TRPV1: variants seen among roughly 807,000 people sequenced by gnomAD.
The protein encoded by TRPV1 is OTRPC1.
In TRPV1, 82 loss-of-function variants were observed where a neutral mutation model predicts 82.3. The observed-to-expected ratio is 1.00, with a 90% CI of 0.83 to 1.20. TRPV1 has a LOEUF of 1.20. Among genes scored for constraint, TRPV1 ranks in the 50% most tolerant of loss-of-function variants. The pLI is 0.00. For synonymous variants in TRPV1, 515 were observed against 467.7 expected (o/e 1.10, Z -1.30); for missense variants, 1,067 against 1,096.8 (o/e 0.97, Z 0.38).
rs1406864487 is a variant in TRPV1 at position 3,573,908 on chromosome 17, C to G, written c.1828G>C (p.Glu610Gln). 6.2e-7 allele frequency: 1 copy of G among 1,609,482 alleles called. No individual in the cohort carries two copies. Among genetic ancestry groups the G allele is most frequent in the South Asian group, 1.1e-5 (1 of 90,490 alleles). Residue 610 changes from glutamate (E) to glutamine (Q), a missense_variant, in exon 14 of 17, where the codon GAG (glutamate) becomes CAG (glutamine). By Grantham distance (29) the Glu-to-Gln change is conservative. Coordinates refer to ENST00000572705, the MANE Select transcript of TRPV1 (RefSeq NM_080704.4). ...EDGKNDSLPS[E>Q]STSHRWRGPA... The stretch of plus-strand genomic sequence containing the variant: ...CCCCGCCACCTGTGCGACGTGGACT[C>G]AGACGGCAGGGAGTCATTCTTCCCG...
intron 7 of TRPV1, 120 bp from the exon 8 acceptor site, chr17:3,588,487 TC>T: frequency 8.7e-7 from 1 of 1,155,860 alleles, no homozygotes; most frequent in Non-Finnish European, 1.2e-6. Context: ...CCCAGGCGAG[TC>T]CCCACCCACT....
intron 14 of TRPV1, 92 bp downstream of exon 14, chr17:3,573,541 A>ACCCC: frequency 7.3e-6 from 1 of 137,140 alleles, no homozygotes; most frequent in African/African-American, 9.2e-5. Context: ...CGCCCCCACC[A>ACCCC]CCCACCCACC....
chr17:3,574,599 T>C (rs983912431), intron 13 of TRPV1, among the ~76,000 whole-genome samples: 5 of 152,168 alleles, frequency 3.3e-5, no homozygotes, highest in Non-Finnish European at 5.9e-5. Context: ...GTGCACCATG[T>C]GAACCACGTA....
chr17:3,577,676 C>T lies in TRPV1; in HGVS notation c.1635G>A (p.Leu545=). The T allele has an allele frequency of 6.3e-7, 1 of 1,588,674 alleles. No homozygotes were observed. Among genetic ancestry groups the T allele is most frequent in the Non-Finnish European group, 8.6e-7 (1 of 1,167,944 alleles). Residue 545 remains leucine (L), a synonymous_variant, in exon 12 of 17, where the codon CTG becomes CTA. Coordinates refer to ENST00000572705, the MANE Select transcript of TRPV1 (RefSeq NM_080704.4). Reference sequence around the variant, plus strand: ...AGAGCATGTTGGTCCAGCCCAAGGCCAGGGAGAATACCATGGAAGCCACAT... The same window carrying T: ...AGAGCATGTTGGTCCAGCCCAAGGCTAGGGAGAATACCATGGAAGCCACAT... ...KEYVASMVFS[L]ALGWTNMLYY... is the part of the protein sequence containing the mutation.
At chr17:3,567,775 CAAA>C (rs1295174983) in intron 16 of TRPV1, among the ~76,000 whole-genome samples, 2 of 104,588 alleles carry the variant, frequency 1.9e-5, no homozygotes, top group Non-Finnish European at 2.0e-5. Flanking sequence ...GATTCTGTCT[CAAA>C]AAAAAAAAAA....
At chr17:3,582,575 G>A (rs2075034611) in intron 10 of TRPV1, among the ~76,000 whole-genome samples, 1 of 149,904 alleles carries the variant, frequency 6.7e-6, no homozygotes, top group Admixed American at 6.8e-5. Flanking sequence ...CTGAAACAGT[G>A]AGTCCCACAT....
chr17:3,593,756 T>G (rs971484832), intron 2 of TRPV1, among the ~76,000 whole-genome samples: 5 of 152,162 alleles, frequency 3.3e-5, no homozygotes, highest in Non-Finnish European at 2.9e-5. Context: ...AATTGCTATC[T>G]GTCACTGATT....
At chr17:3,571,167 C>T (rs2074847208) in intron 16 of TRPV1, among the ~76,000 whole-genome samples, 1 of 152,212 alleles carries the variant, frequency 6.6e-6, no homozygotes. Flanking sequence ...CGCATGCACA[C>T]GTGCAGAGTG....
intron 11 of TRPV1, chr17:3,578,351 T>C (rs1567662330): frequency 7.0e-6 from 1 of 142,664 alleles, no homozygotes; most frequent in African/African-American, 2.5e-5. Flanking sequence ...AATAAATAAA[T>C]AAAAAGTACA....
intron 13 of TRPV1, among the ~76,000 whole-genome samples, chr17:3,576,668 A>AAAAAAAATATATATAT: frequency 1.0e-4 from 4 of 38,424 alleles, no homozygotes; most frequent in Admixed American, 4.5e-4. Context: ...AAAAAAAAAA[A>AAAAAAAATATATATAT]ATATATATAT....
intron 13 of TRPV1, among the ~76,000 whole-genome samples, chr17:3,576,719 G>A (rs1223382396): frequency 7.4e-6 from 1 of 134,574 alleles, no homozygotes; most frequent in Non-Finnish European, 1.6e-5. Flanking sequence ...CATGGTCGTG[G>A]GCGCCTGTAA....
In TRPV1 at chr17:3,600,689, G is replaced by A. The variant is rs568518070; in HGVS notation, c.-34+7738C>T. Among the ~76,000 whole-genome samples the A allele has an allele frequency of 3.9e-5, 6 of 152,278 alleles. 1 individual carries two copies. The Middle Eastern group carries it at 0.02, about 518-fold the overall frequency. On this transcript the variant is annotated intron_variant, in intron 2 of 16. Transcript: ENST00000572705. ...GTCCTCTTTGTTAACAGAGCCCTTGGTGCTAACAGTATCACCGGAGTCTAC... is the reference window on the plus strand; with the variant it reads ...GTCCTCTTTGTTAACAGAGCCCTTGATGCTAACAGTATCACCGGAGTCTAC...
intron 14 of TRPV1, among the ~76,000 whole-genome samples, 164 bp downstream of exon 14, chr17:3,573,469 G>A (rs1406119740): frequency 6.6e-6 from 1 of 152,136 alleles, no homozygotes; most frequent in Non-Finnish European, 1.5e-5. Context: ...ATCCTGCAGG[G>A]CTCATGTGCC....
intron 14 of TRPV1, 85 bp downstream of exon 14, chr17:3,573,548 C>CCCCCCCCCCCCCCCCCCCCTTCAAA: frequency 2.4e-6 from 1 of 411,100 alleles, no homozygotes. Flanking sequence ...ACCACCCACC[C>CCCCCCCCCCCCCCCCCCCCTTCAAA]ACCTGCAGCC....
Position 3,588,143 on chromosome 17 carries a change from T to C in TRPV1, c.1224+45A>G, listed in dbSNP as rs1230295411. 2.6e-6 allele frequency: 4 copies of C among 1,531,982 alleles called. No homozygotes were observed. The South Asian group carries it at 4.8e-5, about 18-fold the overall frequency. The allele number at this position is 1,531,982 out of a possible 1,614,324, so 94.9% of individuals were successfully genotyped here. A position where few individuals can be genotyped will look rare whatever the true frequency, so the allele number is the denominator to read the frequency against. ...CCAGGGGCTGGGATTGGGGCTTGGG[T>C]GCAGAGGCCCTGAGGCCCTCCCTGG... On this transcript the variant is annotated intron_variant, in intron 8 of 16. Coordinates refer to ENST00000572705, the MANE Select transcript of TRPV1 (RefSeq NM_080704.4).
chr17:3,591,675 C>T (rs2075160187), intron 3 of TRPV1, among the ~76,000 whole-genome samples: 1 of 152,128 alleles, frequency 6.6e-6, no homozygotes, highest in East Asian at 1.9e-4. Context: ...GAGGTGGAGG[C>T]AGGGGTGTAG....
At chr17:3,600,089 T>C (rs541952630) in intron 2 of TRPV1, among the ~76,000 whole-genome samples, 2 of 152,334 alleles carry the variant, frequency 1.3e-5, no homozygotes. Context: ...TGTCCCTGCT[T>C]TCCATTCTTT....
In TRPV1 at chr17:3,571,532, G is replaced by T; in HGVS notation, c.2339C>A (p.Ser780Ter). 1 of 1,602,166 alleles carries T rather than the reference G, an allele frequency of 6.2e-7. No individual in the cohort carries two copies. Among genetic ancestry groups the T allele is most frequent in the South Asian group, 1.1e-5 (1 of 88,578 alleles). Residue 780 changes from serine to a stop codon, truncating the protein, a stop_gained, in exon 16 of 17, where the codon TCA becomes TAA. Coordinates refer to ENST00000572705, the MANE Select transcript of TRPV1 (RefSeq NM_080704.4). LOFTEE classifies it high-confidence loss of function. ...VKRTLSFSLR[S>*]SRVSGRHWKN... is the part of the protein sequence containing the mutation. ...CGGCCCTCACGCCTCACCTCTGCTT[G>T]ACCGCAGGGAGAAGCTCAGGGTGCG...
At chr17:3,582,050 C>T (rs528375438) in intron 10 of TRPV1, among the ~76,000 whole-genome samples, 7 of 147,894 alleles carry the variant, frequency 4.7e-5, no homozygotes, top group East Asian at 4.0e-4. Flanking sequence ...ATTAGCCGGG[C>T]GTGGTGGCGG....
Sources: allele counts gnomAD v4.1 joint callset (sites outside exome capture counted in the v4.1 genomes callset), GRCh38; gene constraint gnomAD v4.1.1; transcripts MANE v1.5; gene names NCBI Gene and HGNC (gene_info 2026-07-23, HGNC 2026-07-21).